JCAD: variants seen among roughly 807,000 people sequenced by gnomAD.
JCAD encodes junctional cadherin 5-associated protein.
Under a neutral mutation model 98.0 loss-of-function variants are expected in JCAD, and 40 were observed. The observed-to-expected ratio is 0.41, with a 90% confidence interval of 0.32 to 0.53. The LOEUF is 0.53. Ranked by LOEUF, JCAD falls within the 20% of genes least tolerant of loss-of-function variation. The probability of loss-of-function intolerance (pLI) is 0.31; values close to 1 mark genes in which losing one functional copy is unlikely to be tolerated. For synonymous variants in JCAD, 691 were observed against 682.3 expected (o/e 1.01, Z -0.20); for missense variants, 1,705 against 1,738.1 (o/e 0.98, Z 0.34).
At chr10:30,103,733 C>CTT (rs3858238) in intron 1 of JCAD, among the ~76,000 whole-genome samples, 2,244 of 126,698 alleles carry the variant, frequency 0.018, 80 homozygotes, top group African/African-American at 0.059. Context: ...GTCAATTTTT[C>CTT]TTTTTTTTTT....
At position 30,027,363 on chromosome 10, in the gene JCAD, G is replaced by A. The variant is rs550898693; in HGVS notation, c.2785C>T (p.Pro929Ser). The change falls in exon 3 of 4, where the codon CCT (proline) becomes TCT (serine). Residue 929 changes from proline (P) to serine (S), a missense_variant. Coordinates refer to ENST00000375377, the MANE Select transcript of JCAD (RefSeq NM_020848.4). ...ACGCGAAAGCGGCCCGGGGATGGAG[G>A]CCAGGCACGTGGGTGGCCAGGCTGC... ...ELQPGHPRAW[P>S]PSPGRFRVEE... 8.2e-5 allele frequency: 132 copies of A among 1,610,402 alleles called. No individual in the cohort carries two copies. The highest frequency in any genetic ancestry group is 1.6e-4 in the Middle Eastern group (1 of 6,062).
chr10:30,085,521 T>A (rs185377879), intron 1 of JCAD, among the ~76,000 whole-genome samples: 77 of 152,294 alleles, frequency 5.1e-4, no homozygotes, highest in Non-Finnish European at 9.8e-4. Flanking sequence ...AGTGTGATCA[T>A]GAAAAGCTCT....
At chr10:30,074,727 A>G (rs1038634801) in intron 1 of JCAD, among the ~76,000 whole-genome samples, 2 of 152,210 alleles carry the variant, frequency 1.3e-5, no homozygotes, top group South Asian at 2.1e-4. Flanking sequence ...CCACCATGCC[A>G]TATGCAACTG....
intron 1 of JCAD, among the ~76,000 whole-genome samples, chr10:30,101,484 A>T (rs1179153526): frequency 6.6e-6 from 1 of 152,188 alleles, no homozygotes; most frequent in Admixed American, 6.5e-5. Context: ...CTCCTTTCCT[A>T]TCATGGCATG....
At chr10:30,061,020 A>T (rs1321717622), upstream of JCAD, among the ~76,000 whole-genome samples, 1 of 152,214 alleles carries the variant, frequency 6.6e-6, no homozygotes, top group Non-Finnish European at 1.5e-5. Context: ...GGAGGAAACC[A>T]GATGGTGGCG....
chr10:30,019,357 C>CAAAAAAAAAAAAAAAAAAAAAAAAAAAAA (rs58164754), intron 3 of JCAD, among the ~76,000 whole-genome samples: 1 of 100,308 alleles, frequency 1.0e-5, no homozygotes. Context: ...AACTCTGTCT[C>CAAAAAAAAAAAAAAAAAAAAAAAAAAAAA]AAAAAAAAAA....
chr10:30,097,373 C>A (rs866605969), intron 1 of JCAD, among the ~76,000 whole-genome samples: 11 of 152,246 alleles, frequency 7.2e-5, no homozygotes, highest in African/African-American at 1.2e-4. Context: ...CACCATAAAG[C>A]CCACACTCTA....
intron 1 of JCAD, among the ~76,000 whole-genome samples, chr10:30,105,936 C>A (rs982672471): frequency 1.3e-5 from 2 of 151,956 alleles, no homozygotes; most frequent in Admixed American, 1.3e-4. Context: ...TGGTTAAGAC[C>A]CAGCATTAAT....
intron 1 of JCAD, among the ~76,000 whole-genome samples, chr10:30,085,811 T>C (rs1244746219): frequency 1.3e-5 from 2 of 152,340 alleles, no homozygotes; most frequent in Non-Finnish European, 2.9e-5. Context: ...TTTAAGGTAA[T>C]GTCCAATCCA....
At chr10:30,109,220 A>C (rs1385789035) in intron 1 of JCAD, among the ~76,000 whole-genome samples, 2 of 152,206 alleles carry the variant, frequency 1.3e-5, no homozygotes, top group Non-Finnish European at 1.5e-5. Flanking sequence ...TTGATGGGAC[A>C]AAGAAGCCAC....
rs117407819 is a variant in JCAD, at chr10:30,098,318, C to G, written n.128+17049G>C. ...TCTAGAAGGTTTCTTCCATGCTACC[C>G]CTGTTTCTCCCCCAGCTGGCTCCTA... On this transcript the variant is annotated intron_variant and non_coding_transcript_variant, in intron 1 of 2. Coordinates refer to the JCAD transcript ENST00000465712. Among the ~76,000 whole-genome samples the G allele has an allele frequency of 5.9e-3, 896 of 152,224 alleles. 7 individuals are homozygous for G. Among genetic ancestry groups the G allele is most frequent in the Middle Eastern group, 6.8e-3 (2 of 294 alleles).
At chr10:30,089,128 G>C (rs1014619766) in intron 1 of JCAD, among the ~76,000 whole-genome samples, 9 of 152,126 alleles carry the variant, frequency 5.9e-5, no homozygotes, top group Non-Finnish European at 8.8e-5. Context: ...TAAGTATGAT[G>C]GATTGAGCAC....
At chr10:30,075,822 T>C (rs1372673087) in intron 1 of JCAD, among the ~76,000 whole-genome samples, 1 of 152,034 alleles carries the variant, frequency 6.6e-6, no homozygotes, top group East Asian at 1.9e-4. Context: ...GAGGAAGAAT[T>C]AGGGCAAAAA....
intron 2 of JCAD, among the ~76,000 whole-genome samples, chr10:30,043,093 T>C (rs1014420559): frequency 6.6e-6 from 1 of 152,220 alleles, no homozygotes; most frequent in African/African-American, 2.4e-5. Context: ...CCTAAGAGAT[T>C]TTTAGCAAGT....
At chr10:30,098,450 C>T (rs75313918) in intron 1 of JCAD, among the ~76,000 whole-genome samples, 2,863 of 152,218 alleles carry the variant, frequency 0.019, 88 homozygotes, top group African/African-American at 0.065. Context: ...ACTCTTCGCC[C>T]TGCATTTCTT....
intron 1 of JCAD, among the ~76,000 whole-genome samples, chr10:30,088,926 C>T (rs1838210633): frequency 6.6e-6 from 1 of 152,016 alleles, no homozygotes; most frequent in African/African-American, 2.4e-5. Flanking sequence ...TGAGGTGAGC[C>T]AAGATAGCAG....
intron 1 of JCAD, among the ~76,000 whole-genome samples, chr10:30,102,462 C>A (rs935159750): frequency 1.3e-5 from 2 of 152,208 alleles, no homozygotes; most frequent in African/African-American, 4.8e-5. Context: ...TGAGCCACTG[C>A]ACCCAGTCTA....
intron 1 of JCAD, among the ~76,000 whole-genome samples, chr10:30,112,731 G>T (rs1459365440): frequency 6.6e-6 from 1 of 151,976 alleles, no homozygotes; most frequent in Non-Finnish European, 1.5e-5. Flanking sequence ...AATTAGCCAG[G>T]CGTGGTGGCA....
chr10:30,030,295 T>C (rs1836964182), intron 2 of JCAD, among the ~76,000 whole-genome samples: 1 of 152,148 alleles, frequency 6.6e-6, no homozygotes, highest in Non-Finnish European at 1.5e-5. Context: ...AATTTAAAAA[T>C]CAGCCAGGCA....
Sources: allele counts gnomAD v4.1 joint callset (sites outside exome capture counted in the v4.1 genomes callset), GRCh38; gene constraint gnomAD v4.1.1; transcripts MANE v1.5; gene names NCBI Gene and HGNC (gene_info 2026-07-23, HGNC 2026-07-21).